The following TRHDE variants were observed in gnomAD, a reference collection of about 807,000 sequenced individuals.
TRHDE encodes the protein thyrotropin releasing hormone degrading enzyme.
In TRHDE, 72 loss-of-function variants were observed where a neutral mutation model predicts 125.7. The observed-to-expected ratio is 0.57, with a 90% confidence interval of 0.47 to 0.70. TRHDE has a LOEUF of 0.70. Among genes scored for constraint, TRHDE ranks in the 30% least tolerant of loss-of-function variants. TRHDE has a pLI of 0.00. For missense variants in TRHDE, 1,110 were observed against 1,327.1 expected, an observed-to-expected ratio of 0.84 and a Z score of 2.54; for synonymous variants, 509 against 509.1, an observed-to-expected ratio of 1.00 and a Z score of 0.00.
chr12:72,649,203 A>C (rs1290352843), intron 15 of TRHDE, among the ~76,000 whole-genome samples: 1 of 152,096 alleles, frequency 6.6e-6, no homozygotes, highest in Non-Finnish European at 1.5e-5. Context: ...ATATACACCA[A>C]TTAAACAGAA....
chr12:72,649,554 A>G (rs1345839693), intron 15 of TRHDE, among the ~76,000 whole-genome samples: 1 of 152,108 alleles, frequency 6.6e-6, no homozygotes, highest in African/African-American at 2.4e-5. Context: ...CATCAAACTA[A>G]AAAGCTTCTG....
rs908298629 is a variant in TRHDE at position 72,562,933 on chromosome 12, C to T, written c.1935C>T (p.Ile645=). Residue 645 remains isoleucine, a synonymous_variant, in exon 9 of 19, where the codon ATC becomes ATT. Transcript: ENST00000261180. The stretch of plus-strand genomic sequence containing the variant: ...CACTCCAGATGGGTTATCCTGTTAT[C>T]ACCATCTTGGGAAACACAACAGCAG... ...QWTLQMGYPV[I]TILGNTTAEN... is the part of the protein sequence containing the mutation. 1.9e-6 allele frequency: 3 copies of T among 1,609,518 alleles called. No individual in the cohort carries two copies. Among genetic ancestry groups the T allele is most frequent in the Non-Finnish European group, 2.5e-6 (3 of 1,177,270 alleles).
At chr12:72,565,895 G>A (rs1405268431) in intron 9 of TRHDE, among the ~76,000 whole-genome samples, 4 of 151,820 alleles carry the variant, frequency 2.6e-5, no homozygotes, top group East Asian at 1.9e-4. Flanking sequence ...TTAAAATAAC[G>A]TGATGAAAAT....
chr12:72,347,244 G>A (rs1870365412), intron 2 of TRHDE, among the ~76,000 whole-genome samples: 1 of 152,060 alleles, frequency 6.6e-6, no homozygotes. Flanking sequence ...GAAGCAAGAA[G>A]ACAAGTCTAA....
At chr12:72,504,106 G>A (rs1169407704) in intron 6 of TRHDE, among the ~76,000 whole-genome samples, 3 of 152,074 alleles carry the variant, frequency 2.0e-5, no homozygotes, top group Non-Finnish European at 2.9e-5. Context: ...ATACAGTCAC[G>A]AGACAGGGGA....
intron 2 of TRHDE, among the ~76,000 whole-genome samples, chr12:72,146,870 C>A (rs182186141): frequency 7.7e-4 from 117 of 152,298 alleles, no homozygotes; most frequent in Non-Finnish European, 1.3e-3. Flanking sequence ...AGAATGAGTG[C>A]AAGTTTTTAT....
intron 2 of TRHDE, among the ~76,000 whole-genome samples, chr12:72,163,784 T>G (rs1056140298): frequency 1.3e-5 from 2 of 152,162 alleles, no homozygotes; most frequent in Admixed American, 6.5e-5. Flanking sequence ...TAACATGTAA[T>G]TAGTTTAATT....
rs1871252924 is a variant in TRHDE at position 72,364,309 on chromosome 12, T to C, written c.1189-13686T>C. Among the ~76,000 whole-genome samples, 9 of 152,066 alleles carry C rather than the reference T, an allele frequency of 5.9e-5. 1 individual carries two copies. Among genetic ancestry groups the C allele is most frequent in the Admixed American group, 5.9e-4 (9 of 15,240 alleles). On this transcript the variant is annotated intron_variant, in intron 2 of 18. Transcript: ENST00000261180. ...CTGGAATTCATTCCTGTCAGAAACC[T>C]ATATCCGTGTTACTTACATCCTCAC...
At chr12:72,322,199 C>T (rs1193974387) in intron 2 of TRHDE, among the ~76,000 whole-genome samples, 3 of 152,216 alleles carry the variant, frequency 2.0e-5, no homozygotes, top group South Asian at 2.1e-4. Flanking sequence ...CAGCTGAGGT[C>T]GAACAAGGAG....
intron 3 of TRHDE, among the ~76,000 whole-genome samples, chr12:72,433,467 A>C (rs1273602738): frequency 6.6e-6 from 1 of 152,078 alleles, no homozygotes; most frequent in Non-Finnish European, 1.5e-5. Context: ...GGACAGGAGC[A>C]GTAGCCTTTA....
At chr12:72,144,204 T>C (rs1876176924) in intron 2 of TRHDE, among the ~76,000 whole-genome samples, 1 of 152,162 alleles carries the variant, frequency 6.6e-6, no homozygotes, top group African/African-American at 2.4e-5. Flanking sequence ...CAGAAGAGGT[T>C]GACTTTTTAG....
intron 15 of TRHDE, among the ~76,000 whole-genome samples, chr12:72,633,681 G>A (rs74958732): frequency 0.073 from 11,077 of 152,062 alleles, 467 homozygotes; most frequent in Middle Eastern, 0.11. Flanking sequence ...TTGCTAGGGG[G>A]CATTGTAGAG....
intron 10 of TRHDE, among the ~76,000 whole-genome samples, chr12:72,571,261 A>G (rs746609795): frequency 6.6e-5 from 10 of 152,220 alleles, no homozygotes; most frequent in Non-Finnish European, 1.3e-4. Flanking sequence ...GTTTTTCCAC[A>G]AAAACATGAA....
chr12:72,453,996 A>G (rs1221712455), intron 3 of TRHDE, among the ~76,000 whole-genome samples: 1 of 152,048 alleles, frequency 6.6e-6, no homozygotes, highest in Non-Finnish European at 1.5e-5. Flanking sequence ...TCTCCTTTTC[A>G]TTTTCAGTTT....
At chr12:72,347,203 A>C (rs939344829) in intron 2 of TRHDE, among the ~76,000 whole-genome samples, 14 of 152,130 alleles carry the variant, frequency 9.2e-5, no homozygotes, top group African/African-American at 3.1e-4. Context: ...ACTCATACCC[A>C]TAAGAGATGG....
chr12:72,272,640 T>C lies in TRHDE; in HGVS notation c.-4T>C. On this transcript the variant is annotated 5_prime_UTR_variant, in exon 1 of 19. Transcript: ENST00000261180. The surrounding 1 kb of genome is among the most constrained non-coding windows in gnomAD (Gnocchi z 6.7). ...GGGGCGGGGGAGGAGGAGGAGGCGG[T>C]GTGATGGCCCTGGACGGCGAGCTGG... is the stretch of plus-strand genomic sequence containing the variant. 1 of 959,140 alleles carries C rather than the reference T, an allele frequency of 1.0e-6. No individual in the cohort carries two copies. The highest frequency in any genetic ancestry group is 2.2e-5 in the South Asian group (1 of 46,246). The allele number at this position is 959,140 out of a possible 1,614,324, so 59.4% of individuals were successfully genotyped here. A position where few individuals can be genotyped will look rare whatever the true frequency, so the allele number is the denominator to read the frequency against.
chr12:72,430,586 G>A (rs1874434837), intron 3 of TRHDE, among the ~76,000 whole-genome samples: 1 of 151,450 alleles, frequency 6.6e-6, no homozygotes, highest in African/African-American at 2.4e-5. Flanking sequence ...ATAAATATGA[G>A]GATTGTTTTC....
chr12:72,656,026 C>G (rs904965365), intron 17 of TRHDE, among the ~76,000 whole-genome samples: 2 of 152,066 alleles, frequency 1.3e-5, no homozygotes, highest in Non-Finnish European at 2.9e-5. Context: ...CACTGGAAAA[C>G]CTATTATAAC....
At chr12:72,458,044 C>A (rs1037552724) in intron 3 of TRHDE, among the ~76,000 whole-genome samples, 1 of 152,124 alleles carries the variant, frequency 6.6e-6, no homozygotes, top group Non-Finnish European at 1.5e-5. Flanking sequence ...TGGGCCCACT[C>A]AGCAACTGAC....
Sources: gnomAD v4.1 joint callset for allele counts (sites outside exome capture counted in the v4.1 genomes callset) on GRCh38, gnomAD v4.1.1 for gene constraint, Gnocchi (gnomAD v3.1) non-coding constraint, MANE v1.5 for transcripts, NCBI Gene and HGNC (gene_info 2026-07-23, HGNC 2026-07-21) for gene names.